GREB1: variants seen among roughly 807,000 people sequenced by gnomAD.
The protein encoded by GREB1 is growth regulating estrogen receptor binding 1.
A neutral mutation model predicts 200.7 loss-of-function variants in GREB1; 106 were observed. The observed-to-expected ratio is 0.53, with a 90% CI of 0.45 to 0.62. The LOEUF (loss-of-function observed/expected upper bound fraction) is 0.62. Ranked by LOEUF, GREB1 falls within the 20% of genes least tolerant of loss-of-function variation. The pLI is 0.00. For missense variants in GREB1, 2,243 were observed against 2,556.8 expected, an observed-to-expected ratio of 0.88 and a Z score of 2.65; for synonymous variants, 1,132 against 1,092.4, an observed-to-expected ratio of 1.04 and a Z score of -0.72.
rs1683726512 is a variant in GREB1, at chr2:11,618,655, C to A, written c.3780C>A (p.Phe1260Leu). Residue 1260 changes from phenylalanine (F) to leucine (L), a missense_variant, in exon 22 of 33, where the codon TTC (phenylalanine) becomes TTA (leucine). This residue lies in a region of GREB1 where 587 missense variants were observed against 553.1 expected (regional missense o/e 1.06). Transcript: ENST00000381486. Reference sequence around the variant, plus strand: ...CCTGCCGCCAGCCACCCATTGTCTTCTTGCCCAAGCTCGTGTACGACATGG... The same window carrying A: ...CCTGCCGCCAGCCACCCATTGTCTTATTGCCCAAGCTCGTGTACGACATGG... ...TKACRQPPIV[F>L]LPKLVYDMVV... 1 of 1,613,740 alleles carries A rather than the reference C, an allele frequency of 6.2e-7. No homozygotes were observed. The highest frequency in any genetic ancestry group is 1.6e-4 in the Middle Eastern group (1 of 6,062).
At position 11,615,177 on chromosome 2, in the gene GREB1, A is replaced by G; in HGVS notation, c.3209A>G (p.Tyr1070Cys). ...ALEQELGLAA[Y>C]FVSNEVPLEK... ...GAGCAGGAGCTGGGCCTGGCTGCCTACTTTGTGAGCAACGAGGTTCCCTTG... is the reference window on the plus strand; with the variant it reads ...GAGCAGGAGCTGGGCCTGGCTGCCTGCTTTGTGAGCAACGAGGTTCCCTTG... The change falls in exon 20 of 33, where the codon TAC (tyrosine) becomes TGC (cysteine). Residue 1070 changes from tyrosine (Y) to cysteine (C), a missense_variant. By Grantham distance (194) the Tyr-to-Cys change is radical. Transcript: ENST00000381486. 3 of 1,614,126 alleles carry G rather than the reference A, an allele frequency of 1.9e-6. No individual in the cohort carries two copies. The highest frequency in any genetic ancestry group is 2.5e-6 in the Non-Finnish European group (3 of 1,179,992).
At chr2:11,590,316 C>T (rs1680602399) in intron 10 of GREB1, among the ~76,000 whole-genome samples, 1 of 152,128 alleles carries the variant, frequency 6.6e-6, no homozygotes. Context: ...AACTTGGACT[C>T]CGATTGCATC....
intron 4 of GREB1, 126 bp from the exon 5 acceptor site, chr2:11,576,227 A>G (rs1678839109): frequency 1.4e-6 from 1 of 726,252 alleles, no homozygotes; most frequent in African/African-American, 1.8e-5. Flanking sequence ...GAATCACTTG[A>G]ACCTGGGAGA....
chr2:11,639,631 C>T (rs1050423599), intron 32 of GREB1, among the ~76,000 whole-genome samples: 7 of 152,374 alleles, frequency 4.6e-5, no homozygotes, highest in African/African-American at 1.2e-4. Context: ...AGCTGACCTT[C>T]GCTTTCCTTG....
chr2:11,638,033 C>T, intron 31 of GREB1, 117 bp downstream of exon 31: 1 of 869,048 alleles, frequency 1.2e-6, no homozygotes. Flanking sequence ...CGGGGTTGAC[C>T]CCACTTTGTA....
At chr2:11,501,111 T>G (rs1673025028) in intron 1 of GREB1, among the ~76,000 whole-genome samples, 1 of 152,230 alleles carries the variant, frequency 6.6e-6, no homozygotes. Flanking sequence ...ATCCATCATC[T>G]GGGCACCCAT....
At chr2:11,563,319 A>G (rs1011020292) in intron 3 of GREB1, among the ~76,000 whole-genome samples, 1 of 152,216 alleles carries the variant, frequency 6.6e-6, no homozygotes, top group Non-Finnish European at 1.5e-5. Flanking sequence ...GAACAGGCAG[A>G]TACACATAAT....
chr2:11,610,430 A>G (rs1682814513), intron 17 of GREB1, among the ~76,000 whole-genome samples: 1 of 152,354 alleles, frequency 6.6e-6, no homozygotes, highest in African/African-American at 2.4e-5. Flanking sequence ...AGCAGCTACT[A>G]AGTGCCAAAT....
intron 11 of GREB1, among the ~76,000 whole-genome samples, chr2:11,594,256 C>T (rs1208867521): frequency 2.0e-5 from 3 of 151,002 alleles, no homozygotes; most frequent in African/African-American, 7.3e-5. Flanking sequence ...GCAGTCCACC[C>T]GCCTCAGTCT....
chr2:11,576,497 C>A lies in GREB1; in HGVS notation c.599C>A (p.Thr200Asn). ...KYYLVRNAQG[T>N]LTKGPLICWK... ...TACCTGGTCCGTAATGCACAAGGGA[C>A]TCTAACCAAAGGACCTTTAATCTGT... The change falls in exon 5 of 33, where the codon ACT becomes AAT. Residue 200 changes from threonine to asparagine, a missense_variant. Thr to Asn is a moderately conservative substitution (Grantham distance 65, BLOSUM62 0). Around this residue, in one of 3 missense-constraint regions of GREB1, gnomAD observed 1,178 missense variants for 1,387.4 expected, o/e 0.85. Transcript: ENST00000381486. 1 of 1,613,896 alleles carries A rather than the reference C, an allele frequency of 6.2e-7. No homozygotes were observed. Among genetic ancestry groups the A allele is most frequent in the Non-Finnish European group, 8.5e-7 (1 of 1,179,942 alleles).
intron 14 of GREB1, 49 bp downstream of exon 14, chr2:11,598,027 C>T: frequency 7.3e-7 from 1 of 1,370,194 alleles, no homozygotes; most frequent in Non-Finnish European, 1.0e-6. Flanking sequence ...CTTTGATCTG[C>T]CGAAATCCAT....
chr2:11,617,502 T>G (rs1683520254), intron 21 of GREB1, among the ~76,000 whole-genome samples: 1 of 152,234 alleles, frequency 6.6e-6, no homozygotes, highest in Admixed American at 6.5e-5. Flanking sequence ...GCACACATTT[T>G]CACTTCACAT....
chr2:11,601,067 C>A (rs11681838), intron 16 of GREB1, 72 bp downstream of exon 16: 1,262,067 of 1,283,052 alleles, frequency 0.98, 621,685 homozygotes, highest in Non-Finnish European at 1. Flanking sequence ...CATTTAGTAA[C>A]AGCCTTGACC....
At chr2:11,524,958 T>A (rs1673822479) in intron 1 of GREB1, among the ~76,000 whole-genome samples, 2 of 152,186 alleles carry the variant, frequency 1.3e-5, no homozygotes, top group Admixed American at 1.3e-4. Flanking sequence ...CGTGTTCTTT[T>A]CATCCCTCAT....
Position 11,640,937 on chromosome 2 carries a change from A to T in GREB1, c.*483A>T, listed in dbSNP as rs939742308. 1.9e-5 allele frequency: 3 copies of T among 156,174 alleles called. No individual in the cohort carries two copies. The highest frequency in any genetic ancestry group is 7.2e-5 in the African/African-American group (3 of 41,518). The allele number at this position is 156,174 out of a possible 1,614,324, so 9.7% of individuals were successfully genotyped here. A position where few individuals can be genotyped will look rare whatever the true frequency, so the allele number is the denominator to read the frequency against. ...AGGCTGGAGACAAGAAAAAATAAGT[A>T]GATCGTTTTAATAACAATTATTTAA... On this transcript the variant is annotated 3_prime_UTR_variant, in exon 33 of 33. Coordinates refer to ENST00000381486, the MANE Select transcript of GREB1 (RefSeq NM_014668.4). This position sits in a 1 kb window ranked among gnomAD's most constrained non-coding sequence, Gnocchi z 4.6.
At chr2:11,600,449 A>G (rs1392003774) in intron 15 of GREB1, among the ~76,000 whole-genome samples, 2 of 152,174 alleles carry the variant, frequency 1.3e-5, no homozygotes, top group African/African-American at 4.8e-5. Context: ...GTGTAAGGAG[A>G]TAAGTACACA....
At chr2:11,607,493 C>CAT (rs1174344382) in intron 17 of GREB1, among the ~76,000 whole-genome samples, 5 of 142,772 alleles carry the variant, frequency 3.5e-5, no homozygotes, top group Admixed American at 2.1e-4. Flanking sequence ...CATATATATA[C>CAT]ACATATATAT....
chr2:11,635,222 G>C, intron 29 of GREB1, 48 bp from the exon 30 acceptor site: 1 of 1,611,564 alleles, frequency 6.2e-7, no homozygotes. Flanking sequence ...GTGACGGAGG[G>C]TGTGAGCTGT....
In GREB1 at chr2:11,597,789, C is replaced by T; in HGVS notation, c.1963C>T (p.Leu655=). 6.2e-7 allele frequency: 1 copy of T among 1,614,128 alleles called. No individual in the cohort carries two copies. Among genetic ancestry groups the T allele is most frequent in the Non-Finnish European group, 8.5e-7 (1 of 1,180,004 alleles). ...SGTPVCTSYN[L]EPHSIRPFQL... is the part of the protein sequence containing the mutation. ...TGGGGCTCTGGTTCCAGGTTACAAT[C>T]TGGAGCCACACAGCATCCGGCCCTT... Residue 655 remains leucine, a synonymous_variant, in exon 14 of 33, where the codon CTG becomes TTG. Transcript: ENST00000381486. This position sits in a 1 kb window ranked among gnomAD's most constrained non-coding sequence, Gnocchi z 4.1.
Sources: allele counts gnomAD v4.1 joint callset (sites outside exome capture counted in the v4.1 genomes callset), GRCh38; gene constraint gnomAD v4.1.1; regional missense constraint gnomAD v4.1.1; non-coding constraint Gnocchi (gnomAD v3.1); transcripts MANE v1.5; gene names NCBI Gene and HGNC (gene_info 2026-07-23, HGNC 2026-07-21).